IMMP2L: variants seen among roughly 807,000 people sequenced by gnomAD.
IMMP2L encodes inner mitochondrial membrane peptidase subunit 2.
A neutral mutation model predicts 19.3 loss-of-function variants in IMMP2L; 18 were observed. That is an observed-to-expected ratio of 0.93 (90% CI 0.64 to 1.38). The LOEUF (loss-of-function observed/expected upper bound fraction) is 1.38, where lower values mean the gene tolerates loss of function less well. IMMP2L is among the 40% of genes most tolerant of loss of function. IMMP2L has a pLI of 0.00. For missense variants in IMMP2L, 233 were observed against 218.2 expected (o/e 1.07, Z -0.43); for synonymous variants, 76 against 73.0 (o/e 1.04, Z -0.21).
intron 3 of IMMP2L, among the ~76,000 whole-genome samples, chr7:111,080,766 C>G (rs913804153): frequency 6.6e-6 from 1 of 152,096 alleles, no homozygotes; most frequent in African/African-American, 2.4e-5. Flanking sequence ...GCTTACTATA[C>G]GCTAGGCATT....
chr7:110,723,102 A>G (rs550152045), intron 5 of IMMP2L, among the ~76,000 whole-genome samples: 1 of 152,286 alleles, frequency 6.6e-6, no homozygotes, highest in Non-Finnish European at 1.5e-5. Flanking sequence ...CCATAAGATG[A>G]AAAACACTCT....
intron 5 of IMMP2L, among the ~76,000 whole-genome samples, chr7:110,827,036 A>G (rs1584951353): frequency 6.6e-6 from 1 of 152,220 alleles, no homozygotes; most frequent in East Asian, 1.9e-4. Context: ...TTGTCCCACC[A>G]TTGCTTTTGT....
intron 3 of IMMP2L, among the ~76,000 whole-genome samples, chr7:110,994,411 C>T (rs1014212278): frequency 1.2e-4 from 18 of 152,186 alleles, no homozygotes; most frequent in African/African-American, 4.1e-4. Context: ...TTTTAGCTTC[C>T]CTTACTGCGA....
At position 111,124,748 on chromosome 7, in the gene IMMP2L, A is replaced by G. The variant is rs1801088325; in HGVS notation, c.240-161183T>C. On this transcript the variant is annotated intron_variant, in intron 3 of 5. Coordinates refer to ENST00000405709, the MANE Select transcript of IMMP2L (RefSeq NM_032549.4). ...CCAGAAATGAACTGTGATGGTGGAC[A>G]CAGCTATGTGAGGAATTACTTACAG... 1.9e-6 allele frequency: 3 copies of G among 1,613,876 alleles called. No individual in the cohort carries two copies. The highest frequency in any genetic ancestry group is 2.5e-6 in the Non-Finnish European group (3 of 1,179,990).
intron 3 of IMMP2L, among the ~76,000 whole-genome samples, chr7:111,450,805 A>T (rs1839069521): frequency 6.6e-6 from 1 of 150,632 alleles, no homozygotes; most frequent in Non-Finnish European, 1.5e-5. Context: ...TTCACAACCT[A>T]CTCATCTGAC....
intron 3 of IMMP2L, among the ~76,000 whole-genome samples, chr7:111,214,510 T>G (rs868411769): frequency 5.6e-4 from 79 of 140,908 alleles, no homozygotes; most frequent in Middle Eastern, 3.7e-3. Context: ...ATCTGTTTTT[T>G]TTTTTTTTTT....
chr7:111,519,326 G>C, intron 2 of IMMP2L, among the ~76,000 whole-genome samples: 1 of 152,106 alleles, frequency 6.6e-6, no homozygotes, highest in East Asian at 1.9e-4. Flanking sequence ...TGTCTCACTC[G>C]TGCCTTCCTT....
chr7:111,375,238 A>C (rs766217475), intron 3 of IMMP2L, among the ~76,000 whole-genome samples: 2 of 152,068 alleles, frequency 1.3e-5, no homozygotes, highest in Admixed American at 1.3e-4. Context: ...AAAGACAAAA[A>C]CTACCAGGAA....
At chr7:111,159,043 G>GT (rs1804960256) in intron 3 of IMMP2L, among the ~76,000 whole-genome samples, 1 of 152,152 alleles carries the variant, frequency 6.6e-6, no homozygotes, top group Non-Finnish European at 1.5e-5. Flanking sequence ...AATTATAAGT[G>GT]TTTTGAAATT....
rs953677109 is a variant in IMMP2L, at chr7:111,433,289, G to A, written c.239+53949C>T. On this transcript the variant is annotated intron_variant, in intron 3 of 5. Transcript: ENST00000405709. ...AGTATTAGTCCGTTTTCACACTGCT[G>A]ATAAAGACATACCCTAGACTGGGCA... Among the ~76,000 whole-genome samples the A allele has an allele frequency of 3.3e-5, 5 of 151,794 alleles. No individual in the cohort carries two copies. In the East Asian group the frequency reaches 7.7e-4, roughly 23 times the overall value.
intron 2 of IMMP2L, among the ~76,000 whole-genome samples, chr7:111,505,489 A>G (rs1448239453): frequency 6.6e-6 from 1 of 152,066 alleles, no homozygotes; most frequent in African/African-American, 2.4e-5. Context: ...TACCCAAAGG[A>G]TTGTAAATCA....
At chr7:111,466,278 G>A (rs1840653843) in intron 3 of IMMP2L, among the ~76,000 whole-genome samples, 1 of 152,014 alleles carries the variant, frequency 6.6e-6, no homozygotes, top group Non-Finnish European at 1.5e-5. Context: ...CACCAACATG[G>A]CACATGTATA....
chr7:111,088,858 C>T (rs756806534), intron 3 of IMMP2L, among the ~76,000 whole-genome samples: 3 of 152,106 alleles, frequency 2.0e-5, no homozygotes, highest in African/African-American at 7.2e-5. Flanking sequence ...ACACTGATTC[C>T]ATAAAGCTGC....
At position 111,276,247 on chromosome 7, in the gene IMMP2L, T is replaced by C. The variant is rs541076083; in HGVS notation, c.239+210991A>G. ...AATTCTGTGTCTGTAATGTATCAGATTTACCAATTTACATATATCGAAGCA... is the reference window on the plus strand; with the variant it reads ...AATTCTGTGTCTGTAATGTATCAGACTTACCAATTTACATATATCGAAGCA... On this transcript the variant is annotated intron_variant, in intron 3 of 5. Coordinates refer to ENST00000405709, the MANE Select transcript of IMMP2L (RefSeq NM_032549.4). 2.0e-5 allele frequency among the ~76,000 whole-genome samples: 3 copies of C among 152,242 alleles called. No individual in the cohort carries two copies. The South Asian group carries it at 6.2e-4, about 32-fold the overall frequency.
At chr7:111,133,312 T>TG (rs1289979420) in intron 3 of IMMP2L, among the ~76,000 whole-genome samples, 2 of 152,048 alleles carry the variant, frequency 1.3e-5, no homozygotes, top group East Asian at 3.9e-4. Flanking sequence ...TACACATATT[T>TG]GGGGGGAGTA....
chr7:111,515,235 T>C (rs1845782967), intron 2 of IMMP2L, among the ~76,000 whole-genome samples: 1 of 152,238 alleles, frequency 6.6e-6, no homozygotes, highest in African/African-American at 2.4e-5. Context: ...TAAATTAATA[T>C]CTCAGTTTAG....
rs547827115 is a variant in IMMP2L at position 111,362,796 on chromosome 7, C to T, written c.239+124442G>A. Among the ~76,000 whole-genome samples the T allele has an allele frequency of 3.2e-4, 48 of 152,170 alleles. No individual in the cohort carries two copies. In the South Asian group the frequency reaches 6.6e-3, roughly 21 times the overall value. Reference sequence around the variant, plus strand: ...ATCATGATGCAAGGGAATTTTCCATCCTGGAGAAGTGTACAATGAGAAGAT... The same window carrying T: ...ATCATGATGCAAGGGAATTTTCCATTCTGGAGAAGTGTACAATGAGAAGAT... On this transcript the variant is annotated intron_variant, in intron 3 of 5. Transcript: ENST00000405709.
chr7:111,219,142 T>C (rs1464309942), intron 3 of IMMP2L, among the ~76,000 whole-genome samples: 1 of 152,084 alleles, frequency 6.6e-6, no homozygotes, highest in East Asian at 1.9e-4. Flanking sequence ...TGTTTAGCTG[T>C]TAACCATCAC....
At chr7:111,124,134 C>T in intron 3 of IMMP2L, 1 of 1,614,004 alleles carries the variant, frequency 6.2e-7, no homozygotes, top group South Asian at 1.1e-5. Context: ...AGCCTGAAAT[C>T]TACTGGATAA....
Sources: allele counts gnomAD v4.1 joint callset (sites outside exome capture counted in the v4.1 genomes callset), GRCh38; gene constraint gnomAD v4.1.1; transcripts MANE v1.5; gene names NCBI Gene and HGNC (gene_info 2026-07-23, HGNC 2026-07-21).